PRMT3: variants seen among roughly 807,000 people sequenced by gnomAD.
PRMT3 encodes protein arginine methyltransferase 3.
In PRMT3, 62 loss-of-function variants were observed where a neutral mutation model predicts 71.9. The observed-to-expected ratio is 0.86, with a 90% confidence interval of 0.70 to 1.07. The LOEUF (loss-of-function observed/expected upper bound fraction) is 1.07, where lower values mean the gene tolerates loss of function less well. Ranked by LOEUF, PRMT3 falls within the 50% of genes least tolerant of loss-of-function variation. The pLI is 0.00. For synonymous variants in PRMT3, 213 were observed against 220.4 expected (o/e 0.97, Z 0.30); for missense variants, 663 against 643.0 (o/e 1.03, Z -0.34).
At chr11:20,471,210 CTTTG>C (rs1448244583) in intron 13 of PRMT3, among the ~76,000 whole-genome samples, 1 of 152,058 alleles carries the variant, frequency 6.6e-6, no homozygotes, top group Non-Finnish European at 1.5e-5. Flanking sequence ...TGCAGAAGCT[CTTTG>C]TTTAATTAGA....
chr11:20,411,384 T>C (rs1461743172), intron 9 of PRMT3, among the ~76,000 whole-genome samples: 1 of 152,130 alleles, frequency 6.6e-6, no homozygotes, highest in Non-Finnish European at 1.5e-5. Context: ...GAAGTACATA[T>C]GTCAAACTAG....
rs145475985 is a variant in PRMT3 at position 20,429,785 on chromosome 11, A to G, written c.993+2920A>G. The stretch of plus-strand genomic sequence containing the variant: ...ACACTAAACTTACAGCAGTTATTCT[A>G]TGGCAGTCAGCTCTGGATGGCCTTA... On this transcript the variant is annotated intron_variant, in intron 10 of 15. Coordinates refer to ENST00000331079, the MANE Select transcript of PRMT3 (RefSeq NM_005788.4). Among the ~76,000 whole-genome samples the G allele has an allele frequency of 4.9e-3, 741 of 152,298 alleles. 2 individuals carry two copies. The highest frequency in any genetic ancestry group is 0.014 in the Middle Eastern group (4 of 294).
intron 13 of PRMT3, among the ~76,000 whole-genome samples, chr11:20,493,144 A>AG (rs1851249268): frequency 6.6e-6 from 1 of 151,456 alleles, no homozygotes; most frequent in Non-Finnish European, 1.5e-5. Flanking sequence ...AAAAAAAAAA[A>AG]TCTTTTTGTA....
chr11:20,490,396 C>T (rs906665078), intron 13 of PRMT3, among the ~76,000 whole-genome samples: 1 of 151,900 alleles, frequency 6.6e-6, no homozygotes, highest in Non-Finnish European at 1.5e-5. Context: ...TTTTGGTTAC[C>T]CAGAACTTCC....
chr11:20,482,977 G>T (rs1186797015), intron 13 of PRMT3, among the ~76,000 whole-genome samples: 1 of 151,986 alleles, frequency 6.6e-6, no homozygotes, highest in Admixed American at 6.6e-5. Context: ...GGCTTAGGTG[G>T]TGAGTTGGTA....
intron 9 of PRMT3, among the ~76,000 whole-genome samples, chr11:20,418,089 G>A (rs1212687299): frequency 6.6e-6 from 1 of 152,194 alleles, no homozygotes; most frequent in African/African-American, 2.4e-5. Context: ...TAGGAAATAA[G>A]ATAGGAAAGT....
chr11:20,467,625 CT>C (rs1053532220), intron 13 of PRMT3, among the ~76,000 whole-genome samples: 16 of 7,558 alleles, frequency 2.1e-3, no homozygotes, highest in Non-Finnish European at 9.1e-3. Flanking sequence ...ATTCACTCTT[CT>C]TAAGAGACAG....
chr11:20,494,151 A>G lies in PRMT3; in HGVS notation c.1399-16A>G. 1 of 1,578,362 alleles carries G rather than the reference A, an allele frequency of 6.3e-7. No homozygotes were observed. Among genetic ancestry groups the G allele is most frequent in the Non-Finnish European group, 8.7e-7 (1 of 1,148,022 alleles). ...TCTTGTACTTCATCAAATACCTTTG[A>G]ACTTTACCAATTCAGGTCGTGTTCT... On this transcript the variant is annotated splice_polypyrimidine_tract_variant and intron_variant, in intron 14 of 15. Transcript: ENST00000331079.
intron 5 of PRMT3, among the ~76,000 whole-genome samples, chr11:20,394,241 A>T (rs1263099148): frequency 1.3e-5 from 2 of 152,218 alleles, no homozygotes; most frequent in African/African-American, 4.8e-5. Flanking sequence ...AGATCAGTAA[A>T]TGGACACTGA....
At chr11:20,408,652 A>G (rs896138978) in intron 9 of PRMT3, among the ~76,000 whole-genome samples, 5 of 152,308 alleles carry the variant, frequency 3.3e-5, no homozygotes, top group Admixed American at 3.3e-4. Context: ...TCCAGCTGAC[A>G]CAACTGAATT....
At chr11:20,398,547 G>A (rs1371195666) in intron 7 of PRMT3, among the ~76,000 whole-genome samples, 3 of 152,162 alleles carry the variant, frequency 2.0e-5, no homozygotes, top group Non-Finnish European at 1.5e-5. Flanking sequence ...CCGCCTCTCA[G>A]GTTCACGCCA....
intron 7 of PRMT3, among the ~76,000 whole-genome samples, chr11:20,398,568 T>G (rs1200089500): frequency 6.6e-6 from 1 of 152,210 alleles, no homozygotes; most frequent in Non-Finnish European, 1.5e-5. Context: ...TTCTCTTGCC[T>G]CAGCCTACCG....
In PRMT3 at chr11:20,481,759, T is replaced by C. The variant is rs1278322174; in HGVS notation, c.1348-12160T>C. 2.6e-5 allele frequency among the ~76,000 whole-genome samples: 4 copies of C among 152,236 alleles called. No individual in the cohort carries two copies. The East Asian group carries it at 7.7e-4, about 29-fold the overall frequency. On this transcript the variant is annotated intron_variant, in intron 13 of 15. Coordinates refer to ENST00000331079, the MANE Select transcript of PRMT3 (RefSeq NM_005788.4). ...TGAAGTCCAGGTGCACCTTATGCAT[T>C]GCTCTCCAAATTTACTTCCATTTGA...
At chr11:20,429,311 C>CT (rs907117553) in intron 10 of PRMT3, among the ~76,000 whole-genome samples, 1 of 152,204 alleles carries the variant, frequency 6.6e-6, no homozygotes, top group African/African-American at 2.4e-5. Context: ...CTGTGAGAAT[C>CT]TAATGCCACT....
At chr11:20,486,054 A>G (rs1052895648) in intron 13 of PRMT3, among the ~76,000 whole-genome samples, 6 of 152,216 alleles carry the variant, frequency 3.9e-5, no homozygotes, top group African/African-American at 1.2e-4. Flanking sequence ...ACGATACAAC[A>G]TGGTTAACCC....
rs71063629 is a variant in PRMT3 at position 20,404,211 on chromosome 11, GTTTTTT to G, written c.771+1263_771+1268del. Among the ~76,000 whole-genome samples the G allele has an allele frequency of 4.1e-4, 14 of 34,326 alleles. 1 individual carries two copies. Among genetic ancestry groups the G allele is most frequent in the Admixed American group, 2.1e-3 (5 of 2,374 alleles). The allele number at this position is 34,326 out of a possible 152,430, so 22.5% of individuals were successfully genotyped here. A position where few individuals can be genotyped will look rare whatever the true frequency, so the allele number is the denominator to read the frequency against. ...GTTACTATAGTGGAGACTTTTCATAGTTTTTTTTTTTTTTTTTTTTTTTTTTTTTTT... is the reference window on the plus strand; with the variant it reads ...GTTACTATAGTGGAGACTTTTCATAGTTTTTTTTTTTTTTTTTTTTTTTTT... On this transcript the variant is annotated intron_variant, in intron 8 of 15. Transcript: ENST00000331079.
chr11:20,441,884 C>T (rs1210543325), intron 10 of PRMT3, among the ~76,000 whole-genome samples: 3 of 151,664 alleles, frequency 2.0e-5, no homozygotes, highest in African/African-American at 7.3e-5. Flanking sequence ...CCTCTGCCCC[C>T]CAGGTTCCAG....
At chr11:20,501,369 T>C (rs10741842) in intron 15 of PRMT3, among the ~76,000 whole-genome samples, 1 of 151,854 alleles carries the variant, frequency 6.6e-6, no homozygotes, top group Admixed American at 6.6e-5. Flanking sequence ...TCCAATTTTC[T>C]CCATCACCTT....
At chr11:20,404,429 T>C (rs570175986) in intron 8 of PRMT3, among the ~76,000 whole-genome samples, 2 of 151,926 alleles carry the variant, frequency 1.3e-5, no homozygotes, top group Non-Finnish European at 2.9e-5. Context: ...AGACGGGGTT[T>C]CACCATGTTG....
Sources: allele counts gnomAD v4.1 joint callset (sites outside exome capture counted in the v4.1 genomes callset), GRCh38; gene constraint gnomAD v4.1.1; transcripts MANE v1.5; gene names NCBI Gene and HGNC (gene_info 2026-07-23, HGNC 2026-07-21).